CAPN9: variants seen among roughly 807,000 people sequenced by gnomAD.
CAPN9 encodes calpain 9, also known as calpain-9.
Under a neutral mutation model 92.8 loss-of-function variants are expected in CAPN9, and 81 were observed. That is an observed-to-expected ratio of 0.87 (90% CI 0.73 to 1.05). The LOEUF (loss-of-function observed/expected upper bound fraction) is 1.05, where lower values mean the gene tolerates loss of function less well. Among genes scored for constraint, CAPN9 ranks in the 50% least tolerant of loss-of-function variants. The pLI is 0.00. For missense variants in CAPN9, 848 were observed against 866.2 expected (o/e 0.98, Z 0.26); for synonymous variants, 304 against 328.0 (o/e 0.93, Z 0.79).
In CAPN9 at chr1:230,767,640, C is replaced by A. The variant is rs760259417; in HGVS notation, c.636C>A (p.Ala212=). ...GVAETFQTKE[A]PENFYEILEK... Reference sequence around the variant, plus strand: ...CAGAGACCTTCCAAACTAAAGAGGCCCCCGAGAACTTCTATGAGATTCTAG... The same window carrying A: ...CAGAGACCTTCCAAACTAAAGAGGCACCCGAGAACTTCTATGAGATTCTAG... Residue 212 remains alanine (A), a synonymous_variant, in exon 5 of 20, where the codon GCC becomes GCA. Coordinates refer to ENST00000271971, the MANE Select transcript of CAPN9 (RefSeq NM_006615.3). The A allele has an allele frequency of 2.2e-5, 36 of 1,613,776 alleles. No individual in the cohort carries two copies. The South Asian group carries it at 4.0e-4, about 18-fold the overall frequency.
rs1665471509 is a variant in CAPN9 at position 230,759,387 on chromosome 1, G to GT, written c.284-120dup. 1.2e-5 allele frequency: 8 copies of GT among 674,018 alleles called. No homozygotes were observed. The Admixed American group carries it at 2.1e-4, about 18-fold the overall frequency. 41.8% of individuals were successfully genotyped at this position (674,018 alleles called of 1,614,324 possible). On this transcript the variant is annotated intron_variant, in intron 2 of 19. Coordinates refer to ENST00000271971, the MANE Select transcript of CAPN9 (RefSeq NM_006615.3). ...AGAGTTATTTGTTGGTGTCCTGTCT[G>GT]TTTTTAAACAGGTAGAAAAGATGTG...
intron 3 of CAPN9, 79 bp from the exon 4 acceptor site, chr1:230,762,574 A>G: frequency 6.5e-7 from 1 of 1,530,850 alleles, no homozygotes; most frequent in Admixed American, 1.9e-5. Flanking sequence ...AAAAAGCAAC[A>G]GGATCAACAT....
chr1:230,763,015 C>T (rs1380334138), intron 4 of CAPN9, among the ~76,000 whole-genome samples: 1 of 152,096 alleles, frequency 6.6e-6, no homozygotes, highest in Admixed American at 6.5e-5. Context: ...CCCTTTTTCT[C>T]CCTGGGCCAT....
chr1:230,790,411 G>A (rs1667901657), intron 14 of CAPN9: 2 of 654,246 alleles, frequency 3.1e-6, no homozygotes, highest in Admixed American at 6.3e-5. Context: ...TAATGACAAA[G>A]ATAGTCACAA....
chr1:230,749,129 T>C (rs59546432), intron 1 of CAPN9, among the ~76,000 whole-genome samples: 30,344 of 152,200 alleles, frequency 0.2, 3,323 homozygotes, highest in Non-Finnish European at 0.26. Flanking sequence ...GCCATGTTCA[T>C]GGGGAAATCA....
At chr1:230,791,809 T>C (rs978650852) in intron 14 of CAPN9, 55 bp from the exon 15 acceptor site, 1 of 1,401,176 alleles carries the variant, frequency 7.1e-7, no homozygotes, top group Non-Finnish European at 1.0e-6. Context: ...AGCAGATGGG[T>C]ACATAGGTTT....
At chr1:230,798,931 C>A (rs905800252) in intron 19 of CAPN9, among the ~76,000 whole-genome samples, 2 of 152,188 alleles carry the variant, frequency 1.3e-5, no homozygotes, top group Admixed American at 1.3e-4. Context: ...AGCTTGGGAA[C>A]GCTCTTGAGA....
chr1:230,770,435 C>T (rs556947154), intron 6 of CAPN9, among the ~76,000 whole-genome samples: 1 of 152,262 alleles, frequency 6.6e-6, no homozygotes, highest in African/African-American at 2.4e-5. Flanking sequence ...TCATGTCACC[C>T]AGAAGCACCC....
Position 230,795,296 on chromosome 1 carries a change from G to A in CAPN9, c.1987+17G>A, listed in dbSNP as rs1214433995. ...ATGCGAGCCGTAAGTGTCCAGCGAG[G>A]CTGAGGGTGCACCTCGGGGTGGCAT... On this transcript the variant is annotated intron_variant, in intron 18 of 19. Coordinates refer to ENST00000271971, the MANE Select transcript of CAPN9 (RefSeq NM_006615.3). 2.0e-6 allele frequency: 3 copies of A among 1,524,726 alleles called. No individual in the cohort carries two copies. Among genetic ancestry groups the A allele is most frequent in the Non-Finnish European group, 2.7e-6 (3 of 1,099,178 alleles). The allele number at this position is 1,524,726 out of a possible 1,614,324, so 94.4% of individuals were successfully genotyped here.
intron 6 of CAPN9, among the ~76,000 whole-genome samples, chr1:230,771,501 T>C (rs1233946067): frequency 1.2e-4 from 19 of 152,352 alleles, no homozygotes; most frequent in Middle Eastern, 3.4e-3. Flanking sequence ...GCTGTTTTTG[T>C]TTATTGTTGT....
At chr1:230,754,265 A>C (rs992007335) in intron 1 of CAPN9, among the ~76,000 whole-genome samples, 1 of 152,152 alleles carries the variant, frequency 6.6e-6, no homozygotes, top group Non-Finnish European at 1.5e-5. Context: ...AGAGTGGAAG[A>C]ATATATGCAT....
intron 16 of CAPN9, 65 bp downstream of exon 16, chr1:230,792,559 A>T: frequency 7.8e-7 from 1 of 1,277,962 alleles, no homozygotes; most frequent in East Asian, 2.3e-5. Context: ...GAGGGGATTT[A>T]AAATGGTGCA....
chr1:230,751,640 A>C (rs970783964), intron 1 of CAPN9, among the ~76,000 whole-genome samples: 1 of 95,506 alleles, frequency 1.0e-5, no homozygotes, highest in African/African-American at 5.5e-5. Flanking sequence ...AGAAAGAAAG[A>C]AAGAAAGAAA....
intron 18 of CAPN9, among the ~76,000 whole-genome samples, chr1:230,796,255 G>T (rs1668348139): frequency 6.6e-6 from 1 of 151,668 alleles, no homozygotes; most frequent in Admixed American, 6.6e-5. Flanking sequence ...AACCTGGGAG[G>T]TGGAGGTTGC....
chr1:230,763,664 A>T (rs540724054), intron 4 of CAPN9, among the ~76,000 whole-genome samples: 7 of 152,338 alleles, frequency 4.6e-5, no homozygotes, highest in Admixed American at 3.3e-4. Context: ...CCATGAGAAT[A>T]CTATCCCCAG....
At chr1:230,800,267 AAAG>A (rs1491466987) in intron 19 of CAPN9, among the ~76,000 whole-genome samples, 1 of 134,638 alleles carries the variant, frequency 7.4e-6, no homozygotes, top group African/African-American at 2.8e-5. Context: ...AGAAAGAAAG[AAAG>A]AAAGAAAGAA....
At chr1:230,789,275 T>C (rs1667814982) in intron 13 of CAPN9, among the ~76,000 whole-genome samples, 1 of 151,720 alleles carries the variant, frequency 6.6e-6, no homozygotes, top group African/African-American at 2.4e-5. Flanking sequence ...CATCAATAGG[T>C]CAAGAGCATC....
At chr1:230,789,809 G>A (rs1368400043) in intron 13 of CAPN9, among the ~76,000 whole-genome samples, 2 of 152,162 alleles carry the variant, frequency 1.3e-5, no homozygotes, top group African/African-American at 2.4e-5. Flanking sequence ...AGGAGCTTAG[G>A]ACAATTCCAG....
chr1:230,757,220 A>G (rs990007399), intron 2 of CAPN9, among the ~76,000 whole-genome samples: 1 of 152,100 alleles, frequency 6.6e-6, no homozygotes, highest in African/African-American at 2.4e-5. Flanking sequence ...TGTATGCCAT[A>G]TTCTAGATAC....
Sources: gnomAD v4.1 joint callset for allele counts (sites outside exome capture counted in the v4.1 genomes callset) on GRCh38, gnomAD v4.1.1 for gene constraint, MANE v1.5 for transcripts, NCBI Gene and HGNC (gene_info 2026-07-23, HGNC 2026-07-21) for gene names.